Variants in BCCIP observed in about 807,000 individuals in gnomAD.
BCCIP encodes BRCA2 and CDKN1A interacting protein.
BCCIP carries 23 observed loss-of-function variants against 32.8 expected under a neutral mutation model. That is an observed-to-expected ratio of 0.70 (90% CI 0.51 to 0.99). BCCIP has a LOEUF of 0.99. Among genes scored for constraint, BCCIP ranks in the 50% least tolerant of loss-of-function variants. BCCIP has a pLI of 0.00. For missense variants in BCCIP, 378 were observed against 379.8 expected (o/e 1.00, Z 0.04); for synonymous variants, 144 against 137.6 (o/e 1.05, Z -0.33).
downstream of BCCIP, among the ~76,000 whole-genome samples, chr10:125,839,490 C>A (rs1854808733): frequency 6.6e-6 from 1 of 152,222 alleles, no homozygotes; most frequent in South Asian, 2.1e-4. Flanking sequence ...ATTTCACTAA[C>A]CCGTGGCTCA....
chr10:125,832,437 C>T (rs2134011882), intron 5 of BCCIP, among the ~76,000 whole-genome samples: 1 of 152,282 alleles, frequency 6.6e-6, no homozygotes, highest in Non-Finnish European at 1.5e-5. Context: ...ACTCTGGAAA[C>T]CTTTACGTTT....
chr10:125,835,975 G>GT (rs1485522062), intron 6 of BCCIP, 129 bp from the exon 7 acceptor site: 11 of 814,738 alleles, frequency 1.4e-5, no homozygotes, highest in Admixed American at 5.6e-5. Flanking sequence ...TCAATTCTGA[G>GT]TTTTGCTTTT....
intron 6 of BCCIP, among the ~76,000 whole-genome samples, chr10:125,835,743 G>GA (rs1353796390): frequency 1.7e-4 from 26 of 152,226 alleles, no homozygotes; most frequent in Non-Finnish European, 2.1e-4. Flanking sequence ...GAGAAAGTGA[G>GA]AAAAGAGTGT....
At chr10:125,835,578 C>CAAA (rs5788716) in intron 6 of BCCIP, among the ~76,000 whole-genome samples, 1 of 144,810 alleles carries the variant, frequency 6.9e-6, no homozygotes. Context: ...GACTCTGTCT[C>CAAA]AAAAAAAAAA....
downstream of BCCIP, among the ~76,000 whole-genome samples, chr10:125,843,319 G>A (rs1854932025): frequency 6.6e-6 from 1 of 152,128 alleles, no homozygotes; most frequent in Non-Finnish European, 1.5e-5. Context: ...TGATCATTAA[G>A]CTCTATGTCT....
intron 7 of BCCIP, chr10:125,852,310 TCA>T (rs1564826175): frequency 6.2e-7 from 1 of 1,614,132 alleles, no homozygotes; most frequent in South Asian, 1.1e-5. Context: ...GTTCATGAAG[TCA>T]CAGTGGCCTA....
intron 1 of BCCIP, 125 bp downstream of exon 1, chr10:125,823,847 A>G (rs2134000253): frequency 5.1e-6 from 7 of 1,382,770 alleles, no homozygotes; most frequent in African/African-American, 1.4e-5. Flanking sequence ...AACTGGAGAT[A>G]AGTTCTTTCT....
chr10:125,828,333 G>A (rs972340044), intron 3 of BCCIP, among the ~76,000 whole-genome samples: 2 of 152,132 alleles, frequency 1.3e-5, no homozygotes, highest in African/African-American at 2.4e-5. Flanking sequence ...GTGAGATACC[G>A]GGTAGCAGGT....
chr10:125,824,901 A>T (rs950719997), intron 1 of BCCIP, among the ~76,000 whole-genome samples: 1 of 152,274 alleles, frequency 6.6e-6, no homozygotes, highest in Non-Finnish European at 1.5e-5. Flanking sequence ...AAATAAAATC[A>T]GAGAGGTAAT....
intron 6 of BCCIP, among the ~76,000 whole-genome samples, chr10:125,835,491 A>G (rs1452560819): frequency 6.6e-6 from 1 of 151,360 alleles, no homozygotes; most frequent in Admixed American, 6.6e-5. Flanking sequence ...AGGCAGGAGA[A>G]TGGTGTGAAC....
At chr10:125,837,242 C>T (rs546014589), downstream of BCCIP, among the ~76,000 whole-genome samples, 5 of 152,272 alleles carry the variant, frequency 3.3e-5, no homozygotes, top group South Asian at 4.1e-4. Context: ...AGTACCACTC[C>T]ACATCCAGCT....
At chr10:125,832,584 C>T (rs1459110013) in intron 5 of BCCIP, among the ~76,000 whole-genome samples, 1 of 151,304 alleles carries the variant, frequency 6.6e-6, no homozygotes, top group Non-Finnish European at 1.5e-5. Flanking sequence ...AGCTGGAGCT[C>T]ACATTTATTT....
intron 6 of BCCIP, among the ~76,000 whole-genome samples, chr10:125,834,960 GT>G (rs893918910): frequency 6.7e-6 from 1 of 148,652 alleles, no homozygotes; most frequent in African/African-American, 2.5e-5. Flanking sequence ...GTGAAACCCC[GT>G]CTCTACTAAA....
downstream of BCCIP, chr10:125,838,330 C>T (rs767814391): frequency 1.2e-6 from 2 of 1,613,690 alleles, no homozygotes; most frequent in East Asian, 2.2e-5. Context: ...TGCAGCTGAG[C>T]AACCTGCTTA....
exon 7 of BCCIP, chr10:125,842,031 A>G (rs1854896134): frequency 2.2e-6 from 3 of 1,367,476 alleles, no homozygotes; most frequent in Non-Finnish European, 2.9e-6. Context: ...CAAGCAAACA[A>G]TGGACAAAAT....
At chr10:125,832,291 C>T (rs531742896) in intron 5 of BCCIP, among the ~76,000 whole-genome samples, 7 of 151,774 alleles carry the variant, frequency 4.6e-5, no homozygotes, top group South Asian at 4.2e-4. Context: ...CTTCCTGCCT[C>T]GGCCTCCCAG....
At chr10:125,837,935 T>C (rs908165756), downstream of BCCIP, among the ~76,000 whole-genome samples, 7 of 152,194 alleles carry the variant, frequency 4.6e-5, no homozygotes, top group African/African-American at 1.7e-4. Context: ...TGCACCTGTA[T>C]ACAGTGCATT....
At position 125,853,352 on chromosome 10, in the gene BCCIP, ATGT is replaced by A; in HGVS notation, c.*111_*113del. The A allele has an allele frequency of 5.2e-6, 3 of 575,544 alleles. No individual in the cohort carries two copies. In the African/African-American group the frequency reaches 5.7e-5, roughly 11 times the overall value. The allele number at this position is 575,544 out of a possible 1,614,324, so 35.7% of individuals were successfully genotyped here. A position where few individuals can be genotyped will look rare whatever the true frequency, so the allele number is the denominator to read the frequency against. ...TTGTTAGTTTCGTTTGAGATCTCAA[ATGT>A]TAGGATTTTCTGAAGTCTCAGTGTC... On this transcript the variant is annotated 3_prime_UTR_variant, in exon 8 of 8. Coordinates refer to the BCCIP transcript ENST00000368759.
chr10:125,826,904 G>A (rs1395270737), intron 2 of BCCIP, among the ~76,000 whole-genome samples: 1 of 151,000 alleles, frequency 6.6e-6, no homozygotes, highest in Non-Finnish European at 1.5e-5. Context: ...GGAGGCTGAG[G>A]CTGGAGGATT....
Sources: gnomAD v4.1 joint callset for allele counts (sites outside exome capture counted in the v4.1 genomes callset) on GRCh38, gnomAD v4.1.1 for gene constraint, MANE v1.5 for transcripts, NCBI Gene and HGNC (gene_info 2026-07-23, HGNC 2026-07-21) for gene names.